HSPA12A: variants seen among roughly 807,000 people sequenced by gnomAD.
HSPA12A encodes heat shock protein family A (Hsp70) member 12A, also known as heat shock 70 kDa protein 12A.
HSPA12A carries 28 observed loss-of-function variants against 69.2 expected under a neutral mutation model. The observed-to-expected ratio is 0.40, with a 90% CI of 0.30 to 0.55. The LOEUF is 0.55. Ranked by LOEUF, HSPA12A falls within the 20% of genes least tolerant of loss-of-function variation. The pLI is 0.38. For missense variants in HSPA12A, 686 were observed against 900.7 expected (o/e 0.76, Z 3.05); for synonymous variants, 345 against 370.5 (o/e 0.93, Z 0.79).
chr10:116,679,057 A>C (rs1179732043), intron 10 of HSPA12A, among the ~76,000 whole-genome samples: 1 of 152,218 alleles, frequency 6.6e-6, no homozygotes, highest in African/African-American at 2.4e-5. Context: ...CTGAGACACA[A>C]AATCAGTCAA....
intron 2 of HSPA12A, among the ~76,000 whole-genome samples, chr10:116,755,316 A>T (rs2133092627): frequency 6.6e-6 from 1 of 152,220 alleles, no homozygotes; most frequent in East Asian, 1.9e-4. Context: ...TACAAACATA[A>T]ATATGAAGGT....
intron 2 of HSPA12A, among the ~76,000 whole-genome samples, chr10:116,802,014 T>C (rs1844967379): frequency 1.3e-5 from 2 of 152,234 alleles, no homozygotes; most frequent in African/African-American, 2.4e-5. Flanking sequence ...CTGGGTAGAA[T>C]GGAAACAGGC....
intron 6 of HSPA12A, among the ~76,000 whole-genome samples, chr10:116,691,332 G>C (rs1337568499): frequency 3.9e-5 from 6 of 152,146 alleles, no homozygotes; most frequent in African/African-American, 1.4e-4. Context: ...ATGGTGCTGA[G>C]GTTCCCATGG....
intron 5 of HSPA12A, among the ~76,000 whole-genome samples, chr10:116,693,662 G>A (rs1416349247): frequency 1.3e-5 from 2 of 152,120 alleles, no homozygotes; most frequent in Non-Finnish European, 2.9e-5. Context: ...TGCTGACACT[G>A]TCTCATTTTT....
chr10:116,764,582 CA>C (rs1554889576), intron 2 of HSPA12A, among the ~76,000 whole-genome samples: 2 of 152,086 alleles, frequency 1.3e-5, no homozygotes, highest in African/African-American at 4.8e-5. Flanking sequence ...AACAGCCATA[CA>C]CTAGAAACTA....
At chr10:116,787,570 T>A (rs538492122) in intron 2 of HSPA12A, among the ~76,000 whole-genome samples, 1 of 152,194 alleles carries the variant, frequency 6.6e-6, no homozygotes, top group South Asian at 2.1e-4. Context: ...GGCGTCTGTA[T>A]TTTTATATGC....
At chr10:116,702,025 TG>T (rs1850090059) in intron 3 of HSPA12A, among the ~76,000 whole-genome samples, 1 of 151,900 alleles carries the variant, frequency 6.6e-6, no homozygotes, top group Non-Finnish European at 1.5e-5. Flanking sequence ...CTCAGCACTC[TG>T]GGGGGCCAAG....
chr10:116,834,454 C>G (rs1185952820), intron 2 of HSPA12A, among the ~76,000 whole-genome samples: 4 of 151,982 alleles, frequency 2.6e-5, no homozygotes, highest in Non-Finnish European at 5.9e-5. Context: ...GAGGGAGGCA[C>G]CAAAGAAGAA....
At position 116,730,909 on chromosome 10, in the gene HSPA12A, C is replaced by A. The variant is rs144903603; in HGVS notation, c.40+11521G>T. On this transcript the variant is annotated intron_variant, in intron 1 of 11. Transcript: ENST00000369209. ...CCGGGCCCTCCTGGCTTTCCCAGAC[C>A]AGGTCCAACATGGTTCCCACCCTCC... Among the ~76,000 whole-genome samples the A allele has an allele frequency of 9.6e-3, 1,456 of 152,372 alleles. 17 individuals are homozygous for A. The highest frequency in any genetic ancestry group is 0.012 in the Non-Finnish European group (813 of 68,036).
At chr10:116,688,805 C>T (rs922668062) in intron 6 of HSPA12A, among the ~76,000 whole-genome samples, 5 of 152,186 alleles carry the variant, frequency 3.3e-5, no homozygotes, top group Admixed American at 3.3e-4. Flanking sequence ...ACTAGAGTTA[C>T]ACATTTTAGG....
At chr10:116,696,486 TCTTC>T (rs1437654537) in intron 5 of HSPA12A, among the ~76,000 whole-genome samples, 3 of 152,196 alleles carry the variant, frequency 2.0e-5, no homozygotes, top group African/African-American at 4.8e-5. Context: ...GTTCCTTTAT[TCTTC>T]CTTCGTCTTG....
At chr10:116,769,058 T>A (rs1844140809) in intron 2 of HSPA12A, among the ~76,000 whole-genome samples, 1 of 152,144 alleles carries the variant, frequency 6.6e-6, no homozygotes, top group African/African-American at 2.4e-5. Flanking sequence ...GAAAGTGACA[T>A]CCAGCACAGC....
At chr10:116,797,126 C>G (rs180909647) in intron 2 of HSPA12A, among the ~76,000 whole-genome samples, 1 of 152,208 alleles carries the variant, frequency 6.6e-6, no homozygotes, top group Non-Finnish European at 1.5e-5. Flanking sequence ...GGGGGAGCTA[C>G]AGGTTTCTCT....
At chr10:116,680,645 C>T (rs1490343914) in intron 9 of HSPA12A, among the ~76,000 whole-genome samples, 2 of 152,152 alleles carry the variant, frequency 1.3e-5, no homozygotes, top group Non-Finnish European at 2.9e-5. Context: ...ACCACCACGC[C>T]CAGCTAATTT....
chr10:116,737,259 T>C (rs1554886518), intron 1 of HSPA12A, among the ~76,000 whole-genome samples: 1 of 152,152 alleles, frequency 6.6e-6, no homozygotes, highest in Non-Finnish European at 1.5e-5. Flanking sequence ...GATAATAAAA[T>C]GACTGGAAGT....
chr10:116,728,792 A>G (rs1056752569), intron 1 of HSPA12A, among the ~76,000 whole-genome samples: 3 of 152,178 alleles, frequency 2.0e-5, no homozygotes, highest in African/African-American at 7.2e-5. Flanking sequence ...ATAATGTTTA[A>G]CCCAAAGGAA....
At position 116,710,525 on chromosome 10, in the gene HSPA12A, T is replaced by G. The variant is rs1413600085; in HGVS notation, c.41-3240A>C. On this transcript the variant is annotated intron_variant, in intron 1 of 11. Coordinates refer to ENST00000369209, the MANE Select transcript of HSPA12A (RefSeq NM_025015.3). This position sits in a 1 kb window ranked among gnomAD's most constrained non-coding sequence, Gnocchi z 4.1. Reference sequence around the variant, plus strand: ...TTTGAGGGCAAGAAGCAAGGATTTTTTGGTTCTGCTGTACCTCCCTTCAAC... The same window carrying G: ...TTTGAGGGCAAGAAGCAAGGATTTTGTGGTTCTGCTGTACCTCCCTTCAAC... Among the ~76,000 whole-genome samples, 1 of 152,160 alleles carries G rather than the reference T, an allele frequency of 6.6e-6. No individual in the cohort carries two copies. Among genetic ancestry groups the G allele is most frequent in the Non-Finnish European group, 1.5e-5 (1 of 68,026 alleles).
intron 2 of HSPA12A, among the ~76,000 whole-genome samples, chr10:116,817,598 C>G (rs1589723798): frequency 6.6e-6 from 1 of 152,224 alleles, no homozygotes; most frequent in Non-Finnish European, 1.5e-5. Context: ...TGTGCTCCAC[C>G]ACCATAGCGA....
intron 6 of HSPA12A, among the ~76,000 whole-genome samples, chr10:116,684,173 G>C (rs1554879185): frequency 6.6e-6 from 1 of 152,174 alleles, no homozygotes; most frequent in African/African-American, 2.4e-5. Flanking sequence ...GGTGGCCAAA[G>C]AAAATGTATA....
Sources: gnomAD v4.1 joint callset for allele counts (sites outside exome capture counted in the v4.1 genomes callset) on GRCh38, gnomAD v4.1.1 for gene constraint, Gnocchi (gnomAD v3.1) non-coding constraint, MANE v1.5 for transcripts, NCBI Gene and HGNC (gene_info 2026-07-23, HGNC 2026-07-21) for gene names.